Variants in TAFA5 observed in about 807,000 individuals in gnomAD.
The protein encoded by TAFA5 is TAFA chemokine like family member 5, also known as chemokine-like protein TAFA-5.
In TAFA5, 6 loss-of-function variants were observed where a neutral mutation model predicts 15.3. The ratio of observed to expected loss-of-function variants is 0.39; its 90% CI spans 0.21 to 0.77. TAFA5 has a LOEUF of 0.77. Among genes scored for constraint, TAFA5 ranks in the 30% least tolerant of loss-of-function variants. The pLI is 0.41. For synonymous variants in TAFA5, 103 were observed against 80.7 expected, an observed-to-expected ratio of 1.28 and a Z score of -1.48; for missense variants, 161 against 193.1, an observed-to-expected ratio of 0.83 and a Z score of 0.98.
intron 1 of TAFA5, among the ~76,000 whole-genome samples, chr22:48,600,574 G>T (rs1391555679): frequency 1.3e-5 from 2 of 152,186 alleles, no homozygotes; most frequent in East Asian, 3.9e-4. Flanking sequence ...TTTCGTGTGT[G>T]TGTGCATCTT....
chr22:48,689,340 G>A (rs951000172), intron 2 of TAFA5, among the ~76,000 whole-genome samples: 1 of 152,062 alleles, frequency 6.6e-6, no homozygotes, highest in Non-Finnish European at 1.5e-5. Flanking sequence ...CCCACATCTC[G>A]GGTCCACATC....
At chr22:48,628,177 C>T (rs1414808161) in intron 1 of TAFA5, among the ~76,000 whole-genome samples, 1 of 152,118 alleles carries the variant, frequency 6.6e-6, no homozygotes, top group Non-Finnish European at 1.5e-5. Flanking sequence ...GGCAGGAGGG[C>T]TGTTTCAGGG....
chr22:48,494,737 GCC>G (rs1928267546), intron 1 of TAFA5, among the ~76,000 whole-genome samples: 1 of 152,142 alleles, frequency 6.6e-6, no homozygotes, highest in South Asian at 2.1e-4. Context: ...GGACTTCTCC[GCC>G]CTAGAATGTG....
At chr22:48,654,005 G>A (rs972048287) in intron 2 of TAFA5, among the ~76,000 whole-genome samples, 6 of 152,046 alleles carry the variant, frequency 3.9e-5, no homozygotes, top group African/African-American at 7.2e-5. Flanking sequence ...ACGTAGGCAC[G>A]GCGGCTCTGG....
At chr22:48,646,777 G>T in intron 2 of TAFA5, 31 bp downstream of exon 2, 2 of 1,542,454 alleles carry the variant, frequency 1.3e-6, no homozygotes, top group Non-Finnish European at 1.7e-6. Flanking sequence ...GACCCCTCCG[G>T]GTGCTGAGCG....
rs141243079 is a variant in TAFA5 at position 48,724,641 on chromosome 22, A to G, written c.390+16797A>G. On this transcript the variant is annotated intron_variant, in intron 3 of 3. Transcript: ENST00000402357. The stretch of plus-strand genomic sequence containing the variant: ...AGTAAGCGCTGAAAAGCACTGGGGA[A>G]AGCCCCCTGGGGCTCAAAGGAGTGG... Among the ~76,000 whole-genome samples, 13 of 152,306 alleles carry G rather than the reference A, an allele frequency of 8.5e-5. No individual in the cohort carries two copies. The East Asian group carries it at 2.1e-3, about 25-fold the overall frequency.
chr22:48,617,067 T>C (rs1025585701), intron 1 of TAFA5, among the ~76,000 whole-genome samples: 1 of 152,168 alleles, frequency 6.6e-6, no homozygotes, highest in African/African-American at 2.4e-5. Context: ...TGTGGTTGGC[T>C]GAACAATGCA....
At chr22:48,605,465 A>AGGATGG (rs1569044347) in intron 1 of TAFA5, among the ~76,000 whole-genome samples, 1 of 124,022 alleles carries the variant, frequency 8.1e-6, no homozygotes, top group African/African-American at 2.8e-5. Context: ...GGTGATGGTA[A>AGGATGG]TGATGATGTT....
In TAFA5 at chr22:48,509,297, C is replaced by T. The variant is rs548753589; in HGVS notation, c.112+19593C>T. Among the ~76,000 whole-genome samples the T allele has an allele frequency of 3.1e-4, 47 of 152,254 alleles. No individual in the cohort carries two copies. The South Asian group carries it at 9.3e-3, about 30-fold the overall frequency. The stretch of plus-strand genomic sequence containing the variant: ...AGGCTGAGGCTGCCCTTTTCACGTG[C>T]TGCTTTCCTTTCCTTTGGATAAATA... On this transcript the variant is annotated intron_variant, in intron 1 of 3. Transcript: ENST00000402357.
intron 2 of TAFA5, among the ~76,000 whole-genome samples, chr22:48,662,883 T>C (rs1025919000): frequency 6.6e-6 from 1 of 152,204 alleles, no homozygotes; most frequent in African/African-American, 2.4e-5. Flanking sequence ...GCCCTCCCTA[T>C]GAGGCTGCCT....
chr22:48,747,505 G>A (rs893538225), intron 3 of TAFA5, among the ~76,000 whole-genome samples: 2 of 152,134 alleles, frequency 1.3e-5, no homozygotes, highest in African/African-American at 4.8e-5. Context: ...AGTGTCCCTC[G>A]TCCCAGGGGT....
At chr22:48,659,202 G>T (rs12161073) in intron 2 of TAFA5, among the ~76,000 whole-genome samples, 5 of 152,218 alleles carry the variant, frequency 3.3e-5, no homozygotes, top group African/African-American at 1.2e-4. Context: ...CACCCACAAA[G>T]GGACCCAGAA....
intron 1 of TAFA5, among the ~76,000 whole-genome samples, chr22:48,506,561 G>A (rs1921002889): frequency 1.3e-5 from 2 of 152,176 alleles, no homozygotes; most frequent in Admixed American, 1.3e-4. Context: ...AGCTGGCTTC[G>A]TGTGTCTGTG....
At chr22:48,679,022 G>C (rs75988173) in intron 2 of TAFA5, among the ~76,000 whole-genome samples, 1 of 94,100 alleles carries the variant, frequency 1.1e-5, no homozygotes, top group Admixed American at 1.3e-4. Context: ...CCGGCTCCGC[G>C]TCCATCCCTC....
intron 1 of TAFA5, among the ~76,000 whole-genome samples, chr22:48,636,160 C>T (rs571529772): frequency 3.9e-5 from 6 of 152,332 alleles, no homozygotes; most frequent in Non-Finnish European, 5.9e-5. Context: ...GAGGTGTTGC[C>T]GTCAGCTGGC....
At chr22:48,646,963 T>A (rs1231946874) in intron 2 of TAFA5, among the ~76,000 whole-genome samples, 3 of 151,996 alleles carry the variant, frequency 2.0e-5, no homozygotes, top group Non-Finnish European at 2.9e-5. Context: ...GGGGGAGTGG[T>A]CGGGGAGATG....
intron 1 of TAFA5, among the ~76,000 whole-genome samples, chr22:48,510,501 G>A (rs963895193): frequency 2.6e-5 from 4 of 152,236 alleles, no homozygotes; most frequent in Non-Finnish European, 4.4e-5. Flanking sequence ...TTATAGCTGC[G>A]AGAAGGAAAT....
chr22:48,555,993 T>C (rs1327113508), intron 1 of TAFA5, among the ~76,000 whole-genome samples: 1 of 152,164 alleles, frequency 6.6e-6, no homozygotes, highest in Non-Finnish European at 1.5e-5. Flanking sequence ...GGAGGTGTCC[T>C]GTCCTGTGGG....
At chr22:48,695,105 G>A (rs1251367803) in intron 2 of TAFA5, among the ~76,000 whole-genome samples, 1 of 151,972 alleles carries the variant, frequency 6.6e-6, no homozygotes, top group Non-Finnish European at 1.5e-5. Context: ...GTGAGGCCAG[G>A]TGGTGTGTGT....
Sources: gnomAD v4.1 joint callset for allele counts (sites outside exome capture counted in the v4.1 genomes callset) on GRCh38, gnomAD v4.1.1 for gene constraint, MANE v1.5 for transcripts, NCBI Gene and HGNC (gene_info 2026-07-23, HGNC 2026-07-21) for gene names.